SAMD3: variants seen among roughly 807,000 people sequenced by gnomAD.
The protein encoded by SAMD3 is sterile alpha motif domain-containing protein 3.
SAMD3 carries 63 observed loss-of-function variants against 58.5 expected under a neutral mutation model. That is an observed-to-expected ratio of 1.08 (90% confidence interval 0.88 to 1.33). The LOEUF (loss-of-function observed/expected upper bound fraction) is 1.33, where lower values mean the gene tolerates loss of function less well. SAMD3 is among the 40% of genes most tolerant of loss of function. SAMD3 has a pLI of 0.00. For synonymous variants in SAMD3, 220 were observed against 210.3 expected (o/e 1.05, Z -0.40); for missense variants, 604 against 608.4 (o/e 0.99, Z 0.08).
intron 1 of SAMD3, among the ~76,000 whole-genome samples, chr6:130,364,063 C>A (rs919472002): frequency 6.6e-6 from 1 of 152,098 alleles, no homozygotes; most frequent in African/African-American, 2.4e-5. Context: ...TGCAAATAAT[C>A]CTCTATTTAC....
At chr6:130,168,572 C>T (rs996149105) in intron 8 of SAMD3, among the ~76,000 whole-genome samples, 3 of 152,152 alleles carry the variant, frequency 2.0e-5, no homozygotes, top group Admixed American at 6.6e-5. Context: ...AAAATCTCTT[C>T]CTCTATTTAT....
In SAMD3 at chr6:130,219,303, C is replaced by A. The variant is rs376356990; in HGVS notation, c.-67-2687G>T. 1.8e-4 allele frequency among the ~76,000 whole-genome samples: 27 copies of A among 150,554 alleles called. No individual in the cohort carries two copies. In the East Asian group the frequency reaches 4.1e-3, roughly 23 times the overall value. On this transcript the variant is annotated intron_variant, in intron 1 of 11. Transcript: ENST00000439090. Reference sequence around the variant, plus strand: ...CGTTATGCTAAACGATATGAAACAGCCATTTTTTTTAAATTACAGGGATTT... The same window carrying A: ...CGTTATGCTAAACGATATGAAACAGACATTTTTTTTAAATTACAGGGATTT...
chr6:130,335,222 G>A (rs1777064183), intron 1 of SAMD3, among the ~76,000 whole-genome samples: 1 of 152,168 alleles, frequency 6.6e-6, no homozygotes, highest in Non-Finnish European at 1.5e-5. Context: ...CCCTGTATGA[G>A]TAGGTTCATT....
At chr6:130,153,110 C>CT (rs1181230000) in intron 9 of SAMD3, among the ~76,000 whole-genome samples, 4 of 152,168 alleles carry the variant, frequency 2.6e-5, no homozygotes, top group Non-Finnish European at 4.4e-5. Flanking sequence ...CTGCTAGGCA[C>CT]TTTGGGAACT....
In SAMD3 at chr6:130,161,904, A is replaced by G. The variant is rs146923763; in HGVS notation, c.823-6879T>C. 2.6e-4 allele frequency: 51 copies of G among 198,636 alleles called. 1 individual carries two copies. The East Asian group carries it at 5.4e-3, about 21-fold the overall frequency. The allele number at this position is 198,636 out of a possible 1,614,324, so 12.3% of individuals were successfully genotyped here. A position where few individuals can be genotyped will look rare whatever the true frequency, so the allele number is the denominator to read the frequency against. The stretch of plus-strand genomic sequence containing the variant: ...GAACAGCAGCTGGAAACAGCTGCTG[A>G]CTGTTGACTTCAAGATGTCTGTCTC... On this transcript the variant is annotated intron_variant, in intron 8 of 11. Transcript: ENST00000439090.
chr6:130,189,118 A>C (rs1793289234), intron 5 of SAMD3, among the ~76,000 whole-genome samples: 2 of 146,588 alleles, frequency 1.4e-5, no homozygotes, highest in African/African-American at 2.5e-5. Flanking sequence ...AAAAAAAAAA[A>C]CCAAAAAACA....
chr6:130,204,041 T>C (rs897235742), intron 5 of SAMD3, among the ~76,000 whole-genome samples: 2 of 151,816 alleles, frequency 1.3e-5, no homozygotes, highest in African/African-American at 4.8e-5. Flanking sequence ...TTCATTGCAG[T>C]GGCCAGACCG....
chr6:130,244,482 T>C (rs72984572), intron 2 of SAMD3, among the ~76,000 whole-genome samples: 4,454 of 152,264 alleles, frequency 0.029, 104 homozygotes, highest in Non-Finnish European at 0.044. Context: ...CCCAGCCTTG[T>C]AATCCCAGCA....
chr6:130,154,985 A>G lies in SAMD3; in HGVS notation c.863T>C (p.Ile288Thr), dbSNP rs1789649219. The change falls in exon 9 of 12, where the codon ATT becomes ACT. Residue 288 changes from isoleucine (I) to threonine (T), a missense_variant. By Grantham distance (89) the Ile-to-Thr change is moderately conservative. Coordinates refer to ENST00000439090, the MANE Select transcript of SAMD3 (RefSeq NM_001017373.4). Reference sequence around the variant, plus strand: ...CACGTATTCTTGCTGGAACCACTTAATATGTTCATCTAGCTCAGAATCAAA... The same window carrying G: ...CACGTATTCTTGCTGGAACCACTTAGTATGTTCATCTAGCTCAGAATCAAA... Reference protein sequence around the residue: ...VCFDSELDEHIKWFQQEYVKT... With the variant: ...VCFDSELDEHTKWFQQEYVKT... 6.2e-7 allele frequency: 1 copy of G among 1,613,220 alleles called. No individual in the cohort carries two copies. The highest frequency in any genetic ancestry group is 1.3e-5 in the African/African-American group (1 of 74,812).
intron 5 of SAMD3, among the ~76,000 whole-genome samples, chr6:130,187,069 C>A (rs545873286): frequency 6.6e-6 from 1 of 152,190 alleles, no homozygotes; most frequent in South Asian, 2.1e-4. Flanking sequence ...CGTGCCTGGG[C>A]CTTCCTAGCA....
chr6:130,345,577 T>C (rs1156497402), intron 1 of SAMD3, among the ~76,000 whole-genome samples: 3 of 151,958 alleles, frequency 2.0e-5, no homozygotes, highest in South Asian at 4.2e-4. Context: ...AAGGACTGTG[T>C]CCAAGTCTCC....
intron 2 of SAMD3, among the ~76,000 whole-genome samples, chr6:130,287,473 G>A (rs1477107446): frequency 9.9e-5 from 15 of 152,126 alleles, no homozygotes; most frequent in Non-Finnish European, 1.5e-5. Context: ...TGTGAAACAG[G>A]AAAAAGAAAT....
intron 2 of SAMD3, among the ~76,000 whole-genome samples, chr6:130,273,574 C>T (rs1774650920): frequency 6.6e-6 from 1 of 151,232 alleles, no homozygotes; most frequent in East Asian, 2.0e-4. Flanking sequence ...CTTTTTTCTC[C>T]TCTTGATGCT....
chr6:130,305,533 C>T (rs1018983798), intron 2 of SAMD3, among the ~76,000 whole-genome samples: 19 of 152,208 alleles, frequency 1.2e-4, no homozygotes, highest in African/African-American at 4.1e-4. Context: ...AAAATGATAG[C>T]AATAAGGCCT....
intron 1 of SAMD3, among the ~76,000 whole-genome samples, chr6:130,343,501 C>T (rs1210624577): frequency 2.6e-5 from 4 of 152,134 alleles, no homozygotes; most frequent in Admixed American, 6.5e-5. Context: ...CCACATATTC[C>T]TTTCGTGGAA....
At chr6:130,360,671 C>G (rs1210499093) in intron 1 of SAMD3, among the ~76,000 whole-genome samples, 1 of 152,164 alleles carries the variant, frequency 6.6e-6, no homozygotes, top group African/African-American at 2.4e-5. Flanking sequence ...TATCAGGAGA[C>G]AGGGTTTGAG....
rs774612312 is a variant in SAMD3 at position 130,175,879 on chromosome 6, C to T, written c.784G>A (p.Asp262Asn). Residue 262 changes from aspartate (D) to asparagine (N), a missense_variant, in exon 8 of 12, where the codon GAT becomes AAT. Asp to Asn is a conservative substitution (Grantham distance 23). Transcript: ENST00000439090. ...RRGQTRKSLA[D>N]IRFDEIKLVQ... ...AGTTTAATTTCATCAAATCTTATAT[C>T]AGCAAGAGATTTCCTTGTCTGGCCT... The T allele has an allele frequency of 6.2e-7, 1 of 1,612,986 alleles. No individual in the cohort carries two copies. Among genetic ancestry groups the T allele is most frequent in the East Asian group, 2.2e-5 (1 of 44,804 alleles).
intron 2 of SAMD3, among the ~76,000 whole-genome samples, chr6:130,281,762 T>TA (rs1346271401): frequency 6.6e-6 from 1 of 151,924 alleles, no homozygotes; most frequent in African/African-American, 2.4e-5. Flanking sequence ...CTACTAAAAA[T>TA]AAAAAAATTG....
At chr6:130,346,450 A>G (rs1210644376) in intron 1 of SAMD3, among the ~76,000 whole-genome samples, 1 of 152,226 alleles carries the variant, frequency 6.6e-6, no homozygotes, top group East Asian at 1.9e-4. Flanking sequence ...GGAGGGTCCT[A>G]TGCCCACGGA....
Sources: allele counts gnomAD v4.1 joint callset (sites outside exome capture counted in the v4.1 genomes callset), GRCh38; gene constraint gnomAD v4.1.1; transcripts MANE v1.5; gene names NCBI Gene and HGNC (gene_info 2026-07-23, HGNC 2026-07-21).